PHTF1: variants seen among roughly 807,000 people sequenced by gnomAD.
PHTF1 encodes protein PHTF1.
In PHTF1, 88 loss-of-function variants were observed where a neutral mutation model predicts 102.4. The observed-to-expected ratio is 0.86, with a 90% CI of 0.72 to 1.03. The LOEUF (loss-of-function observed/expected upper bound fraction) is 1.03. PHTF1 is among the 50% of genes least tolerant of loss of function. PHTF1 has a pLI of 0.00. For synonymous variants in PHTF1, 289 were observed against 305.2 expected, an observed-to-expected ratio of 0.95 and a Z score of 0.55; for missense variants, 814 against 909.5, an observed-to-expected ratio of 0.89 and a Z score of 1.35.
chr1:113,751,175 C>T (rs188568792), intron 3 of PHTF1, among the ~76,000 whole-genome samples: 1 of 152,090 alleles, frequency 6.6e-6, no homozygotes, highest in East Asian at 1.9e-4. Context: ...TTTTGGTGTA[C>T]TATATTATGA....
intron 7 of PHTF1, among the ~76,000 whole-genome samples, chr1:113,720,079 A>C (rs955294286): frequency 6.6e-6 from 1 of 152,200 alleles, no homozygotes; most frequent in Non-Finnish European, 1.5e-5. Flanking sequence ...TCCCTCCTGC[A>C]ATACGTGGGA....
chr1:113,717,829 T>C (rs1047885176), intron 7 of PHTF1, among the ~76,000 whole-genome samples: 1 of 152,038 alleles, frequency 6.6e-6, no homozygotes, highest in African/African-American at 2.4e-5. Flanking sequence ...CATGATTCAA[T>C]TACCTCCCCC....
intron 3 of PHTF1, among the ~76,000 whole-genome samples, chr1:113,749,124 A>T (rs1044462341): frequency 6.6e-6 from 1 of 152,222 alleles, no homozygotes; most frequent in African/African-American, 2.4e-5. Context: ...GATGTCCTGA[A>T]GATATCTCAG....
intron 7 of PHTF1, among the ~76,000 whole-genome samples, chr1:113,715,953 C>A (rs1027331404): frequency 6.6e-6 from 1 of 151,854 alleles, no homozygotes; most frequent in Non-Finnish European, 1.5e-5. Context: ...GAATGAAACA[C>A]ACCTAAAAGA....
intron 13 of PHTF1, 85 bp downstream of exon 13, chr1:113,705,805 G>A: frequency 1.0e-6 from 1 of 1,000,372 alleles, no homozygotes. Flanking sequence ...AACTTGAAGA[G>A]AGACCAAATC....
chr1:113,737,105 G>T (rs1655615310), intron 5 of PHTF1, among the ~76,000 whole-genome samples: 2 of 152,234 alleles, frequency 1.3e-5, no homozygotes, highest in African/African-American at 4.8e-5. Flanking sequence ...TAGAGACTGA[G>T]ATAAATATAG....
At chr1:113,715,702 C>T (rs1385421505) in intron 7 of PHTF1, among the ~76,000 whole-genome samples, 1 of 55,744 alleles carries the variant, frequency 1.8e-5, no homozygotes, top group Non-Finnish European at 3.9e-5. Flanking sequence ...GAAACTCAAA[C>T]AAATTCAAGA....
intron 3 of PHTF1, among the ~76,000 whole-genome samples, chr1:113,751,931 T>G (rs1658151049): frequency 6.6e-6 from 1 of 152,256 alleles, no homozygotes; most frequent in Admixed American, 6.5e-5. Flanking sequence ...GTATTATAAA[T>G]GTAGTAATGT....
chr1:113,700,871 A>G lies in PHTF1; in HGVS notation c.1969T>C (p.Phe657Leu). The change falls in exon 16 of 19, where the codon TTT (phenylalanine) becomes CTT (leucine). Residue 657 changes from phenylalanine to leucine, a missense_variant. Coordinates refer to ENST00000369604, the MANE Select transcript of PHTF1 (RefSeq NM_001323043.2). ...FLIWETALLL[F>L]LLRLASLGSE... ...CCCAGTGAGGCCAGACGCAATAAAA[A>G]AAGTAGTAAAGCTGTTTCCCAGATC... 1 of 1,612,776 alleles carries G rather than the reference A, an allele frequency of 6.2e-7. No individual in the cohort carries two copies. Among genetic ancestry groups the G allele is most frequent in the Non-Finnish European group, 8.5e-7 (1 of 1,179,594 alleles).
In PHTF1 at chr1:113,711,671, C is replaced by T. The variant is rs1651108673; in HGVS notation, c.1047+75G>A. ...TATTAATGTAAATGCTACTTTAGGG[C>T]AACCAATAAAAAAAGGAATGGATAA... On this transcript the variant is annotated intron_variant, in intron 10 of 18. Transcript: ENST00000369604. 9.0e-6 allele frequency: 10 copies of T among 1,116,982 alleles called. No individual in the cohort carries two copies. The South Asian group carries it at 1.3e-4, about 15-fold the overall frequency. The allele number at this position is 1,116,982 out of a possible 1,614,324, so 69.2% of individuals were successfully genotyped here. A position where few individuals can be genotyped will look rare whatever the true frequency, so the allele number is the denominator to read the frequency against.
chr1:113,710,170 G>C, intron 11 of PHTF1, 84 bp downstream of exon 11: 1 of 982,144 alleles, frequency 1.0e-6, no homozygotes. Context: ...CAGGATGATT[G>C]TAAAGTTAAA....
intron 7 of PHTF1, among the ~76,000 whole-genome samples, chr1:113,717,571 T>A (rs1488613877): frequency 6.6e-6 from 1 of 152,180 alleles, no homozygotes; most frequent in Non-Finnish European, 1.5e-5. Context: ...AGTAGTGTAT[T>A]AGTTCATTTT....
At chr1:113,731,110 T>TA (rs2101523012) in intron 5 of PHTF1, among the ~76,000 whole-genome samples, 2 of 152,214 alleles carry the variant, frequency 1.3e-5, no homozygotes, top group South Asian at 4.1e-4. Flanking sequence ...CCAGTATCAG[T>TA]ATACTTAATG....
intron 3 of PHTF1, among the ~76,000 whole-genome samples, chr1:113,757,432 A>G (rs975588906): frequency 2.0e-5 from 3 of 152,236 alleles, no homozygotes; most frequent in Admixed American, 6.5e-5. Flanking sequence ...GGTAAAAACT[A>G]GCCAGAGCTA....
At chr1:113,738,953 G>A (rs561561454) in intron 3 of PHTF1, among the ~76,000 whole-genome samples, 154 bp from the exon 4 acceptor site, 8 of 152,266 alleles carry the variant, frequency 5.3e-5, no homozygotes, top group Admixed American at 6.5e-5. Flanking sequence ...CCAGGTTCAA[G>A]TGATTCTCCT....
chr1:113,748,810 G>A lies in PHTF1; in HGVS notation c.102+8889C>T, dbSNP rs549898878. Among the ~76,000 whole-genome samples, 3 of 152,288 alleles carry A rather than the reference G, an allele frequency of 2.0e-5. No individual in the cohort carries two copies. The South Asian group carries it at 6.2e-4, about 32-fold the overall frequency. ...GCCTCCCAAAGTGCTGAGATTACAG[G>A]CGTGAGCCACTGTACCCAGCCACCC... is the stretch of plus-strand genomic sequence containing the variant. On this transcript the variant is annotated intron_variant, in intron 3 of 18. Transcript: ENST00000369604.
At chr1:113,707,744 G>A (rs374942817) in intron 11 of PHTF1, among the ~76,000 whole-genome samples, 1 of 152,166 alleles carries the variant, frequency 6.6e-6, no homozygotes. Flanking sequence ...GAACAAGATA[G>A]ATGTCCTTGC....
intron 13 of PHTF1, among the ~76,000 whole-genome samples, chr1:113,705,409 C>T (rs970779817): frequency 1.3e-5 from 2 of 152,096 alleles, no homozygotes; most frequent in Non-Finnish European, 2.9e-5. Context: ...CCACTACACT[C>T]CAACCTGGGC....
At chr1:113,742,225 C>T (rs1344737690) in intron 3 of PHTF1, among the ~76,000 whole-genome samples, 3 of 152,096 alleles carry the variant, frequency 2.0e-5, no homozygotes, top group Non-Finnish European at 2.9e-5. Flanking sequence ...CCTATTGCTC[C>T]GAGGCTACAA....
Sources: gnomAD v4.1 joint callset for allele counts (sites outside exome capture counted in the v4.1 genomes callset) on GRCh38, gnomAD v4.1.1 for gene constraint, MANE v1.5 for transcripts, NCBI Gene and HGNC (gene_info 2026-07-23, HGNC 2026-07-21) for gene names.